TLE1: variants seen among roughly 807,000 people sequenced by gnomAD.
TLE1 encodes the protein TLE family member 1, transcriptional corepressor, also known as transducin-like enhancer protein 1.
TLE1 carries 21 observed loss-of-function variants against 89.8 expected under a neutral mutation model. The ratio of observed to expected loss-of-function variants is 0.23; its 90% CI spans 0.17 to 0.34. TLE1 has a LOEUF of 0.34. Among genes scored for constraint, TLE1 ranks in the 10% least tolerant of loss-of-function variants. The probability of loss-of-function intolerance (pLI) is 1.00; values close to 1 mark genes in which losing one functional copy is unlikely to be tolerated. For missense variants in TLE1, 795 were observed against 1,031.2 expected, an observed-to-expected ratio of 0.77 and a Z score of 3.14; for synonymous variants, 447 against 407.6, an observed-to-expected ratio of 1.10 and a Z score of -1.16.
chr9:81,603,611 T>C (rs1355781649), intron 14 of TLE1, among the ~76,000 whole-genome samples: 1 of 152,188 alleles, frequency 6.6e-6, no homozygotes, highest in Non-Finnish European at 1.5e-5. Context: ...TTTCCCCCAA[T>C]ATATCTATCT....
chr9:81,678,991 A>T (rs1021653382), intron 4 of TLE1, among the ~76,000 whole-genome samples: 7 of 152,056 alleles, frequency 4.6e-5, no homozygotes, highest in East Asian at 1.9e-4. Flanking sequence ...AAAATAATTT[A>T]AAAAAAATTA....
intron 8 of TLE1, among the ~76,000 whole-genome samples, chr9:81,624,234 A>G (rs1362593729): frequency 2.0e-5 from 3 of 152,210 alleles, no homozygotes; most frequent in African/African-American, 7.2e-5. Context: ...TGTCTTCCAT[A>G]CCAAAAATAG....
At chr9:81,601,230 A>G (rs1477548915) in intron 14 of TLE1, among the ~76,000 whole-genome samples, 1 of 152,216 alleles carries the variant, frequency 6.6e-6, no homozygotes, top group Non-Finnish European at 1.5e-5. Flanking sequence ...GTGGGGTGAA[A>G]GGGGGAAGCC....
chr9:81,688,345 G>C lies in TLE1; in HGVS notation c.-105C>G, dbSNP rs1010906160. ...AATTAAGCCGGAAAGCCAAGCAGAA[G>C]CGGGGAGCGCGCTGGCCACGCACGC... On this transcript the variant is annotated 5_prime_UTR_variant, in exon 1 of 20. Transcript: ENST00000376499. 23 of 1,282,710 alleles carry C rather than the reference G, an allele frequency of 1.8e-5. No homozygotes were observed. Among genetic ancestry groups the C allele is most frequent in the South Asian group, 3.4e-5 (2 of 58,680 alleles). 79.5% of individuals were successfully genotyped at this position (1,282,710 alleles called of 1,614,324 possible). A position where few individuals can be genotyped will look rare whatever the true frequency, so the allele number is the denominator to read the frequency against.
chr9:81,612,263 A>T, intron 12 of TLE1: 1 of 1,104,164 alleles, frequency 9.1e-7, no homozygotes, highest in East Asian at 4.6e-5. Flanking sequence ...TACAGAGGGC[A>T]AACCAAGGCA....
chr9:81,683,963 C>T (rs1019762010), intron 4 of TLE1, among the ~76,000 whole-genome samples: 1 of 152,056 alleles, frequency 6.6e-6, no homozygotes, highest in Non-Finnish European at 1.5e-5. Context: ...GAATTACACA[C>T]CTCTTTTAGC....
intron 6 of TLE1, among the ~76,000 whole-genome samples, chr9:81,637,857 A>AT (rs1827602133): frequency 6.6e-6 from 1 of 151,992 alleles, no homozygotes. Context: ...TGAGTCAGGG[A>AT]GGGTAGGTAT....
At chr9:81,657,615 TAAAG>T (rs1475085647) in intron 4 of TLE1, among the ~76,000 whole-genome samples, 3 of 151,864 alleles carry the variant, frequency 2.0e-5, no homozygotes. Flanking sequence ...AAAAATAAAA[TAAAG>T]AAAAGAAAGA....
intron 4 of TLE1, among the ~76,000 whole-genome samples, chr9:81,683,693 G>A (rs1833902358): frequency 6.6e-6 from 1 of 152,078 alleles, no homozygotes; most frequent in Non-Finnish European, 1.5e-5. Flanking sequence ...TAAATTTCAG[G>A]AGGCTCAGTA....
chr9:81,584,103 T>A lies in TLE1; in HGVS notation c.*95A>T. 8.8e-7 allele frequency: 1 copy of A among 1,134,624 alleles called. No homozygotes were observed. The highest frequency in any genetic ancestry group is 1.3e-6 in the Non-Finnish European group (1 of 770,748). 70.3% of individuals were successfully genotyped at this position (1,134,624 alleles called of 1,614,324 possible). On this transcript the variant is annotated 3_prime_UTR_variant, in exon 20 of 20. Transcript: ENST00000376499. ...AAGGTTTGGAAACAGGTGTTTGTAATTTTTTTTCTCTTTTAAAGTTACAAC... is the reference window on the plus strand; with the variant it reads ...AAGGTTTGGAAACAGGTGTTTGTAAATTTTTTTCTCTTTTAAAGTTACAAC...
Position 81,584,219 on chromosome 9 carries a change from T to G in TLE1, c.2292A>C (p.Thr764=). The G allele has an allele frequency of 6.2e-7, 1 of 1,614,202 alleles. No homozygotes were observed. The change falls in exon 20 of 20, where the codon ACA becomes ACC. Residue 764 remains threonine (T), a synonymous_variant. Coordinates refer to ENST00000376499, the MANE Select transcript of TLE1 (RefSeq NM_005077.5). ...GTTTTCAGTAGATGACTTCATAGAC[T>G]GTAGCCTTCTTGTCCCCCGAGCCAG... ...IVTGSGDKKA[T]VYEVIY
At chr9:81,683,964 C>T (rs1833940530) in intron 4 of TLE1, among the ~76,000 whole-genome samples, 2 of 152,056 alleles carry the variant, frequency 1.3e-5, no homozygotes, top group Non-Finnish European at 2.9e-5. Context: ...AATTACACAC[C>T]TCTTTTAGCT....
chr9:81,658,430 G>T (rs1431348666), intron 4 of TLE1, among the ~76,000 whole-genome samples: 1 of 152,052 alleles, frequency 6.6e-6, no homozygotes, highest in Non-Finnish European at 1.5e-5. Context: ...TACATAAATG[G>T]TCTGGAGAAG....
chr9:81,684,545 C>A (rs559206991), intron 4 of TLE1, among the ~76,000 whole-genome samples: 2 of 152,196 alleles, frequency 1.3e-5, no homozygotes, highest in African/African-American at 4.8e-5. Context: ...AACACACTTG[C>A]TTAATGAAAG....
chr9:81,642,888 C>T (rs1443000520), intron 6 of TLE1, among the ~76,000 whole-genome samples: 2 of 152,162 alleles, frequency 1.3e-5, no homozygotes, highest in African/African-American at 4.8e-5. Context: ...CAATGGAATA[C>T]CATTCAGCCT....
chr9:81,686,451 T>C (rs1406603621), intron 2 of TLE1, among the ~76,000 whole-genome samples: 2 of 152,192 alleles, frequency 1.3e-5, no homozygotes, highest in South Asian at 2.1e-4. Flanking sequence ...TGTGTGCAAG[T>C]ATGCCTCAAG....
intron 6 of TLE1, among the ~76,000 whole-genome samples, chr9:81,651,711 G>A (rs1213286546): frequency 2.0e-5 from 3 of 152,294 alleles, no homozygotes; most frequent in Admixed American, 1.3e-4. Context: ...ATCTAACATT[G>A]TAAGACAGAA....
chr9:81,633,388 C>A, intron 7 of TLE1, 24 bp from the exon 8 acceptor site: 1 of 1,613,284 alleles, frequency 6.2e-7, no homozygotes, highest in Non-Finnish European at 8.5e-7. Flanking sequence ...TACCAAGAAA[C>A]GCACAGACAT....
intron 14 of TLE1, among the ~76,000 whole-genome samples, chr9:81,594,707 A>G (rs1250218022): frequency 6.6e-6 from 1 of 152,120 alleles, no homozygotes; most frequent in Admixed American, 6.5e-5. Flanking sequence ...CCCTTTCTGG[A>G]GCTTGTCATT....
Sources: gnomAD v4.1 joint callset for allele counts (sites outside exome capture counted in the v4.1 genomes callset) on GRCh38, gnomAD v4.1.1 for gene constraint, MANE v1.5 for transcripts, NCBI Gene and HGNC (gene_info 2026-07-23, HGNC 2026-07-21) for gene names.